The following RTF2 variants were observed in gnomAD, a reference collection of about 807,000 sequenced individuals.
RTF2 encodes replication termination factor 2.
Under a neutral mutation model 38.0 loss-of-function variants are expected in RTF2, and 18 were observed. The observed-to-expected ratio is 0.47, with a 90% CI of 0.33 to 0.70. RTF2 has a LOEUF of 0.70. Among genes scored for constraint, RTF2 ranks in the 30% least tolerant of loss-of-function variants. The pLI is 0.02. For synonymous variants in RTF2, 126 were observed against 137.1 expected (o/e 0.92, Z 0.57); for missense variants, 311 against 379.6 (o/e 0.82, Z 1.50).
intron 5 of RTF2, among the ~76,000 whole-genome samples, chr20:56,508,088 G>T (rs1984399770): frequency 6.6e-6 from 1 of 152,096 alleles, no homozygotes; most frequent in Non-Finnish European, 1.5e-5. Context: ...CACCCTCAGG[G>T]ATTTGTGGGT....
intron 5 of RTF2, among the ~76,000 whole-genome samples, chr20:56,494,296 CTA>C (rs1211834150): frequency 6.6e-6 from 1 of 152,186 alleles, no homozygotes; most frequent in African/African-American, 2.4e-5. Flanking sequence ...TTTATACTAA[CTA>C]GGGTTTTTTT....
intron 5 of RTF2, among the ~76,000 whole-genome samples, chr20:56,493,930 G>A (rs1020610986): frequency 1.9e-4 from 29 of 152,302 alleles, no homozygotes; most frequent in Non-Finnish European, 4.1e-4. Flanking sequence ...CTTGCCCATT[G>A]TAGTGGTGGC....
At chr20:56,509,127 C>G (rs1185863382) in intron 5 of RTF2, among the ~76,000 whole-genome samples, 1 of 152,192 alleles carries the variant, frequency 6.6e-6, no homozygotes, top group African/African-American at 2.4e-5. Context: ...ATAAAGACCT[C>G]TTAGAACGCA....
At chr20:56,500,652 G>A (rs1047074373) in intron 5 of RTF2, among the ~76,000 whole-genome samples, 32 of 152,222 alleles carry the variant, frequency 2.1e-4, no homozygotes, top group African/African-American at 7.5e-4. Flanking sequence ...ATCAGCACCA[G>A]CTTTCACTGT....
chr20:56,472,503 A>G, intron 1 of RTF2: 3 of 714,586 alleles, frequency 4.2e-6, no homozygotes, highest in Non-Finnish European at 7.4e-6. Context: ...CCCTTAGTGA[A>G]TAAGCCCCAA....
At chr20:56,489,356 G>A (rs1418815925) in intron 5 of RTF2, among the ~76,000 whole-genome samples, 8 of 151,806 alleles carry the variant, frequency 5.3e-5, no homozygotes, top group Admixed American at 3.9e-4. Context: ...GAGCCACCAC[G>A]CCTGGCCATA....
At chr20:56,470,615 C>T (rs1428664168) in intron 1 of RTF2, 1 of 455,900 alleles carries the variant, frequency 2.2e-6, no homozygotes, top group Non-Finnish European at 4.4e-6. Flanking sequence ...TATTGGTGGG[C>T]TCCTGGATGG....
At chr20:56,510,013 A>G (rs1984542274) in intron 5 of RTF2, among the ~76,000 whole-genome samples, 1 of 152,158 alleles carries the variant, frequency 6.6e-6, no homozygotes, top group Non-Finnish European at 1.5e-5. Context: ...TGTATATTGT[A>G]TGATTTCATT....
chr20:56,517,395 G>A (rs1249873219), intron 8 of RTF2, among the ~76,000 whole-genome samples, 194 bp downstream of exon 8: 3 of 152,138 alleles, frequency 2.0e-5, no homozygotes, highest in African/African-American at 7.2e-5. Context: ...AGCCGTGGCA[G>A]GAGTGATGGG....
intron 5 of RTF2, among the ~76,000 whole-genome samples, chr20:56,507,965 C>G (rs1452007206): frequency 6.6e-6 from 1 of 152,218 alleles, no homozygotes; most frequent in Non-Finnish European, 1.5e-5. Flanking sequence ...CTCCTGTAGG[C>G]CCAGCTCTCT....
rs1351567393 is a variant in RTF2 at position 56,468,766 on chromosome 20, G to A, written c.69G>A (p.Lys23=). 1.9e-6 allele frequency: 3 copies of A among 1,577,596 alleles called. No homozygotes were observed. Among genetic ancestry groups the A allele is most frequent in the African/African-American group, 2.7e-5 (2 of 73,996 alleles). The change falls in exon 1 of 9, where the codon AAG becomes AAA. Residue 23 remains lysine, a splice_region_variant and synonymous_variant. Coordinates refer to ENST00000357348, the MANE Select transcript of RTF2 (RefSeq NM_016407.5). ...ELVKGPKKVE[K]VDKDAELVAQ... ...TGAAGGGGCCGAAGAAGGTTGAGAA[G>A]GTCAGTGATGTGGGCCGGCTCTTGG... is the stretch of plus-strand genomic sequence containing the variant.
At chr20:56,474,565 G>A (rs976775397) in intron 2 of RTF2, 113 bp from the exon 3 acceptor site, 2 of 612,268 alleles carry the variant, frequency 3.3e-6, no homozygotes, top group Non-Finnish European at 5.7e-6. Flanking sequence ...ATAATTCAGG[G>A]TATTTCTCTT....
chr20:56,476,841 T>A (rs576375836), intron 3 of RTF2, 144 bp from the exon 4 acceptor site: 205 of 743,026 alleles, frequency 2.8e-4, no homozygotes, highest in Non-Finnish European at 4.2e-4. Context: ...TATATCCATG[T>A]TTCTTATGGA....
intron 4 of RTF2, among the ~76,000 whole-genome samples, chr20:56,479,519 C>T (rs902928269): frequency 1.8e-4 from 27 of 152,172 alleles, no homozygotes; most frequent in African/African-American, 5.5e-4. Context: ...GCCACCACAG[C>T]GGGCCAAATC....
chr20:56,484,785 G>C (rs750171460), intron 5 of RTF2, among the ~76,000 whole-genome samples: 1 of 152,226 alleles, frequency 6.6e-6, no homozygotes. Flanking sequence ...TAATGGCGCT[G>C]CTGCTGCTGA....
chr20:56,469,315 AC>A (rs1216154155), intron 1 of RTF2, among the ~76,000 whole-genome samples: 1 of 152,194 alleles, frequency 6.6e-6, no homozygotes, highest in Non-Finnish European at 1.5e-5. Flanking sequence ...CAGAGGCTGT[AC>A]CCTTTTTTTC....
Position 56,516,782 on chromosome 20 carries a change from C to G in RTF2, c.592-153C>G, listed in dbSNP as rs192793308. ...CAGAGGGTGAAGGCTTTAGGAGTTA[C>G]GGAACATCAAAAGCCTTCTTCAGAG... On this transcript the variant is annotated intron_variant, in intron 6 of 8. Transcript: ENST00000357348. 2.3e-5 allele frequency: 16 copies of G among 709,952 alleles called. 1 individual carries two copies. The East Asian group carries it at 3.9e-4, about 17-fold the overall frequency. The allele number at this position is 709,952 out of a possible 1,614,324, so 44.0% of individuals were successfully genotyped here. A position where few individuals can be genotyped will look rare whatever the true frequency, so the allele number is the denominator to read the frequency against.
chr20:56,494,585 C>A (rs958763342), intron 5 of RTF2, among the ~76,000 whole-genome samples: 1 of 152,086 alleles, frequency 6.6e-6, no homozygotes, highest in Non-Finnish European at 1.5e-5. Context: ...TGAATGGATC[C>A]CTAATTGAAT....
intron 3 of RTF2, 119 bp downstream of exon 3, chr20:56,474,890 C>T: frequency 3.4e-6 from 2 of 596,486 alleles, no homozygotes; most frequent in Non-Finnish European, 2.9e-6. Flanking sequence ...CCCACATGGC[C>T]ATCTAATACA....
Sources: allele counts gnomAD v4.1 joint callset (sites outside exome capture counted in the v4.1 genomes callset), GRCh38; gene constraint gnomAD v4.1.1; transcripts MANE v1.5; gene names NCBI Gene and HGNC (gene_info 2026-07-23, HGNC 2026-07-21).